SRCAP: variants seen among roughly 807,000 people sequenced by gnomAD.
The protein encoded by SRCAP is Snf2 related CREBBP activator protein, also known as chromatin remodeling protein SRCAP.
A neutral mutation model predicts 263.1 loss-of-function variants in SRCAP; 46 were observed. That is an observed-to-expected ratio of 0.17 (90% confidence interval 0.14 to 0.22). The LOEUF (loss-of-function observed/expected upper bound fraction) is 0.22. Ranked by LOEUF, SRCAP falls within the 10% of genes least tolerant of loss-of-function variation. SRCAP has a pLI of 1.00. For missense variants in SRCAP, 3,695 were observed against 4,181.9 expected (o/e 0.88, Z 3.21); for synonymous variants, 1,813 against 1,662.1 (o/e 1.09, Z -2.21).
rs1356694163 is a variant in SRCAP, at chr16:30,707,355, G to C, written c.479G>C (p.Gly160Ala). ...DFAQERRWKR[G>A]VARKVVRMVI... Reference sequence around the variant, plus strand: ...GCTCAGGAGCGCCGTTGGAAACGGGGTGTGGCCCGGAAGGTAGGTCTTCCG... The same window carrying C: ...GCTCAGGAGCGCCGTTGGAAACGGGCTGTGGCCCGGAAGGTAGGTCTTCCG... The change falls in exon 5 of 34, where the codon GGT becomes GCT. Residue 160 changes from glycine to alanine, a missense_variant. Gly to Ala is a moderately conservative substitution (Grantham distance 60, BLOSUM62 0). This residue lies in a region of SRCAP where 107 missense variants were observed against 223.8 expected (regional missense o/e 0.48). Transcript: ENST00000262518. The C allele has an allele frequency of 6.2e-7, 1 of 1,614,092 alleles. No individual in the cohort carries two copies. Among genetic ancestry groups the C allele is most frequent in the East Asian group, 2.2e-5 (1 of 44,890 alleles).
chr16:30,712,961 T>C (rs2052908299), intron 14 of SRCAP, 146 bp downstream of exon 14: 2 of 1,164,534 alleles, frequency 1.7e-6, no homozygotes, highest in African/African-American at 3.1e-5. Context: ...GGTCTCACTA[T>C]GTTACCCAAG....
Position 30,737,974 on chromosome 16 carries a change from G to A in SRCAP, c.7934G>A (p.Cys2645Tyr). 6.2e-7 allele frequency: 1 copy of A among 1,614,138 alleles called. No individual in the cohort carries two copies. ...CCTGAAGGTGAGGAGTTGCCCCTGT[G>A]TGTGAGTGAGAGCAATGGCCTGGAG... ...VLPEGEELPLCVSESNGLELP... is the reference protein window; with the variant it reads ...VLPEGEELPLYVSESNGLELP... The change falls in exon 34 of 34, where the codon TGT (cysteine) becomes TAT (tyrosine). Residue 2645 changes from cysteine (C) to tyrosine (Y), a missense_variant. Cys to Tyr is a radical substitution (Grantham distance 194). Around this residue, in one of 12 missense-constraint regions of SRCAP, gnomAD observed 1,207 missense variants for 1,142.9 expected, o/e 1.06. Coordinates refer to ENST00000262518, the MANE Select transcript of SRCAP (RefSeq NM_006662.3).
rs1282963484 is a variant in SRCAP, at chr16:30,710,807, A to G, written c.1188A>G (p.Pro396=). The change falls in exon 9 of 34, where the codon CCA becomes CCG. Residue 396 remains proline, a synonymous_variant. Transcript: ENST00000262518. ...AGCGCAACAAACAGCCTTGGCATCC[A>G]GATGAAGATGATGAAGAGTTTACTG... The part of the protein sequence containing the change: ...VTQRNKQPWH[P]DEDDEEFTAN... The G allele has an allele frequency of 1.2e-6, 2 of 1,614,090 alleles. No homozygotes were observed. Among genetic ancestry groups the G allele is most frequent in the Non-Finnish European group, 8.5e-7 (1 of 1,180,042 alleles).
rs2053033726 is a variant in SRCAP, at chr16:30,723,701, C to A, written c.4277C>A (p.Pro1426His). The change falls in exon 25 of 34, where the codon CCT becomes CAT. Residue 1426 changes from proline to histidine, a missense_variant. Pro to His is a moderately conservative substitution (Grantham distance 77). This residue lies in a region of SRCAP where 1,347 missense variants were observed against 1,304.4 expected (regional missense o/e 1.03). Transcript: ENST00000262518. ...PIPNSSPLAS[P>H]VSSTVSVPLS... ...CCCAACTCCTCTCCCCTTGCTAGTCCTGTGTCCTCTACAGTCTCAGTTCCA... is the reference window on the plus strand; with the variant it reads ...CCCAACTCCTCTCCCCTTGCTAGTCATGTGTCCTCTACAGTCTCAGTTCCA... 6.2e-7 allele frequency: 1 copy of A among 1,614,012 alleles called. No individual in the cohort carries two copies. The highest frequency in any genetic ancestry group is 1.3e-5 in the African/African-American group (1 of 74,896).
rs1289909253 is a variant in SRCAP, at chr16:30,723,939, G to A, written c.4515G>A (p.Leu1505=). The stretch of plus-strand genomic sequence containing the variant: ...GTGCTTCCCCGTCAGCATCAGCCTT[G>A]ACTCTAGGTTTGGCCACAGCTCCAT... ...PSGASPSASA[L]TLGLATAPSL... is the part of the protein sequence containing the mutation. The change falls in exon 25 of 34, where the codon TTG becomes TTA. Residue 1505 remains leucine (L), a synonymous_variant. Coordinates refer to ENST00000262518, the MANE Select transcript of SRCAP (RefSeq NM_006662.3). 1.2e-6 allele frequency: 2 copies of A among 1,613,976 alleles called. No individual in the cohort carries two copies. Among genetic ancestry groups the A allele is most frequent in the South Asian group, 1.1e-5 (1 of 91,086 alleles).
In SRCAP at chr16:30,733,460, T is replaced by G; in HGVS notation, c.6297+11T>G. ...GTTGAACAGAGACAGGTAACCCAGG[T>G]TTCTGCAGCTCTTAGAGGCTCACCT... On this transcript the variant is annotated intron_variant, in intron 28 of 33. Transcript: ENST00000262518. The surrounding 1 kb of genome is among the most constrained non-coding windows in gnomAD (Gnocchi z 5.3). 6.2e-7 allele frequency: 1 copy of G among 1,614,036 alleles called. No individual in the cohort carries two copies.
intron 25 of SRCAP, among the ~76,000 whole-genome samples, chr16:30,726,594 C>A (rs192412100): frequency 2.0e-5 from 3 of 151,740 alleles, no homozygotes; most frequent in African/African-American, 7.3e-5. Context: ...GGTCTTGGCT[C>A]ACTGCAACCT....
At chr16:30,723,540 T>G in intron 24 of SRCAP, 44 bp from the exon 25 acceptor site, 2 of 1,575,046 alleles carry the variant, frequency 1.3e-6, no homozygotes, top group Non-Finnish European at 1.7e-6. Flanking sequence ...GTAGAAAGGC[T>G]CAGGAAAAGA....
chr16:30,732,843 T>C (rs2053126154), intron 27 of SRCAP, among the ~76,000 whole-genome samples: 1 of 152,338 alleles, frequency 6.6e-6, no homozygotes, highest in South Asian at 2.1e-4. Context: ...CGTAGATAGA[T>C]ATTTTTTGTG....
intron 16 of SRCAP, among the ~76,000 whole-genome samples, 153 bp downstream of exon 16, chr16:30,713,864 G>C (rs979760334): frequency 6.6e-6 from 1 of 151,418 alleles, no homozygotes; most frequent in Non-Finnish European, 1.5e-5. Context: ...CTAACCCATT[G>C]CCAGATTGAG....
chr16:30,730,338 C>CGCTTAAACCACAAGAGTATTT (rs11268096), intron 27 of SRCAP, among the ~76,000 whole-genome samples: 1 of 152,158 alleles, frequency 6.6e-6, no homozygotes, highest in Non-Finnish European at 1.5e-5. Flanking sequence ...AACTAACAGT[C>CGCTTAAACCACAAGAGTATTT]ATTGTTTTCT....
chr16:30,702,621 T>TCCC (rs2052780905), intron 3 of SRCAP, among the ~76,000 whole-genome samples: 1 of 108,278 alleles, frequency 9.2e-6, no homozygotes, highest in Admixed American at 1.2e-4. Flanking sequence ...CCCTCCCTCC[T>TCCC]TCCTTCCTTC....
At position 30,739,903 on chromosome 16, in the gene SRCAP, A is replaced by G; in HGVS notation, c.*170A>G. ...GGGGTAGGCAACTGGTTGTCATGGA[A>G]ATGGGGATCATCACAGTCCCCTTCC... On this transcript the variant is annotated 3_prime_UTR_variant, in exon 34 of 34. Transcript: ENST00000262518. 1.8e-6 allele frequency: 2 copies of G among 1,104,192 alleles called. No individual in the cohort carries two copies. Among genetic ancestry groups the G allele is most frequent in the South Asian group, 2.0e-5 (1 of 49,542 alleles). 68.4% of individuals were successfully genotyped at this position (1,104,192 alleles called of 1,614,324 possible). A position where few individuals can be genotyped will look rare whatever the true frequency, so the allele number is the denominator to read the frequency against.
rs774181430 is a variant in SRCAP, at chr16:30,739,551, G to T, written c.9511G>T (p.Glu3171Ter). 1 of 1,610,042 alleles carries T rather than the reference G, an allele frequency of 6.2e-7. No homozygotes were observed. Among genetic ancestry groups the T allele is most frequent in the Non-Finnish European group, 8.5e-7 (1 of 1,178,324 alleles). Residue 3171 changes from glutamate to a stop codon, truncating the protein, a stop_gained, in exon 34 of 34, where the codon GAG becomes TAG. Coordinates refer to ENST00000262518, the MANE Select transcript of SRCAP (RefSeq NM_006662.3). LOFTEE classifies it high-confidence loss of function. ...CCTGGGGCCTGAGGGTTCAGTAGAG[G>T]AGTCTGAGGCTGAAGCCTCAGGTGA... ...SPLGPEGSVE[E>*]SEAEASGEEE... is the part of the protein sequence containing the mutation.
Position 30,733,205 on chromosome 16 carries a change from C to G in SRCAP, c.6128-75C>G. 2 of 1,511,742 alleles carry G rather than the reference C, an allele frequency of 1.3e-6. No homozygotes were observed. The highest frequency in any genetic ancestry group is 9.0e-7 in the Non-Finnish European group (1 of 1,117,054). The allele number at this position is 1,511,742 out of a possible 1,614,324, so 93.6% of individuals were successfully genotyped here. On this transcript the variant is annotated intron_variant, in intron 27 of 33. Transcript: ENST00000262518. This position sits in a 1 kb window ranked among gnomAD's most constrained non-coding sequence, Gnocchi z 5.3. ...TTAAAGCATTGATTATCTTTCAACC[C>G]CAGCCTTGCATTGCTAAGCATTCTA...
intron 19 of SRCAP, 77 bp from the exon 20 acceptor site, chr16:30,720,632 TTTCA>T (rs1321892546): frequency 5.6e-6 from 8 of 1,430,532 alleles, no homozygotes; most frequent in Non-Finnish European, 6.6e-6. Flanking sequence ...TGTCTCTCTG[TTTCA>T]TTTTCTTCTT....
chr16:30,709,975 G>C lies in SRCAP; in HGVS notation c.981G>C (p.Glu327Asp). ...GTGAGATTGAGCTGCTTCGCCGTGA[G>C]GGAGAATTGCCACTGGAAGAGCTGC... The part of the protein sequence containing the change: ...QRREIELLRR[E>D]GELPLEELLR... The change falls in exon 8 of 34, where the codon GAG (glutamate) becomes GAC (aspartate). Residue 327 changes from glutamate (E) to aspartate (D), a missense_variant. Physicochemically the swap from Glu to Asp is conservative, Grantham distance 45. Coordinates refer to ENST00000262518, the MANE Select transcript of SRCAP (RefSeq NM_006662.3). 6.2e-7 allele frequency: 1 copy of C among 1,614,240 alleles called. No homozygotes were observed. The highest frequency in any genetic ancestry group is 1.1e-5 in the South Asian group (1 of 91,088).
At chr16:30,705,421 C>T (rs957408545) in intron 4 of SRCAP, among the ~76,000 whole-genome samples, 5 of 152,058 alleles carry the variant, frequency 3.3e-5, no homozygotes, top group Admixed American at 1.3e-4. Context: ...TTTGTTGAGA[C>T]GGAGTCTCGC....
chr16:30,710,238 TA>T, intron 8 of SRCAP, 110 bp downstream of exon 8: 1 of 1,153,772 alleles, frequency 8.7e-7, no homozygotes, highest in Non-Finnish European at 1.2e-6. Flanking sequence ...GTTCTGCTAG[TA>T]ATGGACATTT....
Sources: gnomAD v4.1 joint callset for allele counts (sites outside exome capture counted in the v4.1 genomes callset) on GRCh38, gnomAD v4.1.1 for gene constraint, gnomAD v4.1.1 regional missense constraint, Gnocchi (gnomAD v3.1) non-coding constraint, MANE v1.5 for transcripts, NCBI Gene and HGNC (gene_info 2026-07-23, HGNC 2026-07-21) for gene names.